Variants in PPIF observed in about 807,000 individuals in gnomAD.
PPIF encodes peptidyl-prolyl cis-trans isomerase F, mitochondrial.
Under a neutral mutation model 20.2 loss-of-function variants are expected in PPIF, and 23 were observed. The observed-to-expected ratio is 1.14, with a 90% CI of 0.82 to 1.61. PPIF has a LOEUF of 1.61. Among genes scored for constraint, PPIF ranks in the 40% most tolerant of loss-of-function variants. PPIF has a pLI of 0.00. For synonymous variants in PPIF, 113 were observed against 123.1 expected (o/e 0.92, Z 0.54); for missense variants, 287 against 291.6 (o/e 0.98, Z 0.11).
chr10:79,348,044 A>G (rs1445952596), intron 1 of PPIF, among the ~76,000 whole-genome samples: 1 of 152,096 alleles, frequency 6.6e-6, no homozygotes, highest in Non-Finnish European at 1.5e-5. Flanking sequence ...GAGGGGCTCC[A>G]GGAGCCTTCT....
In PPIF at chr10:79,353,745, A is replaced by T; in HGVS notation, c.527A>T (p.Glu176Val). The change falls in exon 6 of 6, where the codon GAG becomes GTG. Residue 176 changes from glutamate to valine, a missense_variant. Coordinates refer to ENST00000225174, the MANE Select transcript of PPIF (RefSeq NM_005729.4). ...GKHVVFGHVK[E>V]GMDVVKKIES... ...CATGTTGTGTTCGGTCACGTCAAAGAGGGCATGGACGTCGTGAAGAAAATA... is the reference window on the plus strand; with the variant it reads ...CATGTTGTGTTCGGTCACGTCAAAGTGGGCATGGACGTCGTGAAGAAAATA... The T allele has an allele frequency of 3.1e-6, 5 of 1,614,232 alleles. No homozygotes were observed. Among genetic ancestry groups the T allele is most frequent in the Non-Finnish European group, 4.2e-6 (5 of 1,180,030 alleles).
chr10:79,352,814 A>C (rs1855999932), intron 5 of PPIF, among the ~76,000 whole-genome samples: 1 of 152,276 alleles, frequency 6.6e-6, no homozygotes, highest in Admixed American at 6.5e-5. Context: ...GCAATGCTGC[A>C]GCAGACATTT....
At chr10:79,348,715 G>A (rs1855934518) in intron 1 of PPIF, among the ~76,000 whole-genome samples, 2 of 152,144 alleles carry the variant, frequency 1.3e-5, no homozygotes, top group South Asian at 4.1e-4. Context: ...AACCCCGAAT[G>A]GAGGAGCTGG....
chr10:79,349,905 G>A (rs1818903635), intron 3 of PPIF, 152 bp downstream of exon 3: 1 of 1,454,706 alleles, frequency 6.9e-7, no homozygotes, highest in Admixed American at 2.3e-5. Context: ...CTGTATCCAG[G>A]CTTCACTGCA....
chr10:79,347,721 C>T lies in PPIF; in HGVS notation c.173C>T (p.Pro58Leu). 1.4e-6 allele frequency: 2 copies of T among 1,436,502 alleles called. No individual in the cohort carries two copies. Among genetic ancestry groups the T allele is most frequent in the Non-Finnish European group, 1.8e-6 (2 of 1,088,676 alleles). 89.0% of individuals were successfully genotyped at this position (1,436,502 alleles called of 1,614,324 possible). The change falls in exon 1 of 6, where the codon CCG becomes CTG. Residue 58 changes from proline (P) to leucine (L), a missense_variant. Pro to Leu is a moderately conservative substitution (Grantham distance 98). Coordinates refer to ENST00000225174, the MANE Select transcript of PPIF (RefSeq NM_005729.4). ...VYLDVDANGK[P>L]LGRVVLELKA... Reference sequence around the variant, plus strand: ...CTGGACGTGGACGCCAACGGGAAGCCGCTCGGCCGCGTGGTGCTGGAGGTG... The same window carrying T: ...CTGGACGTGGACGCCAACGGGAAGCTGCTCGGCCGCGTGGTGCTGGAGGTG...
rs1856034294 is a variant in PPIF at position 79,355,210 on chromosome 10, C to G, written c.*1368C>G. ...CTTTCACCATGTGACATGCCTGATC[C>G]CCCTTCACCTTTTGCCATGGTCATA... On this transcript the variant is annotated 3_prime_UTR_variant, in exon 6 of 6. Transcript: ENST00000225174. The G allele has an allele frequency of 6.6e-6, 1 of 152,238 alleles. No homozygotes were observed. The highest frequency in any genetic ancestry group is 1.5e-5 in the Non-Finnish European group (1 of 68,030). The allele number at this position is 152,238 out of a possible 1,614,324, so 9.4% of individuals were successfully genotyped here.
intron 3 of PPIF, 37 bp from the exon 4 acceptor site, chr10:79,351,450 C>T: frequency 1.9e-6 from 3 of 1,606,576 alleles, no homozygotes; most frequent in Non-Finnish European, 2.6e-6. Flanking sequence ...CCCGCCTGCT[C>T]CATGGTAGCC....
In PPIF at chr10:79,354,377, G is replaced by C. The variant is rs1328698097; in HGVS notation, c.*535G>C. 1 of 155,010 alleles carries C rather than the reference G, an allele frequency of 6.5e-6. No individual in the cohort carries two copies. Among genetic ancestry groups the C allele is most frequent in the African/African-American group, 2.4e-5 (1 of 41,460 alleles). The allele number at this position is 155,010 out of a possible 1,614,324, so 9.6% of individuals were successfully genotyped here. A position where few individuals can be genotyped will look rare whatever the true frequency, so the allele number is the denominator to read the frequency against. On this transcript the variant is annotated 3_prime_UTR_variant, in exon 6 of 6. Coordinates refer to ENST00000225174, the MANE Select transcript of PPIF (RefSeq NM_005729.4). ...CTTGGCTTTTGAAACACAACTCAGG[G>C]CTTTTGTGAAGGTTCCCCCGCTGAG...
At chr10:79,349,644 G>C in intron 2 of PPIF, 21 bp from the exon 3 acceptor site, 3 of 1,612,646 alleles carry the variant, frequency 1.9e-6, no homozygotes, top group Non-Finnish European at 8.5e-7. Context: ...CTGTTGACCT[G>C]TGTTTCTCTT....
chr10:79,352,602 C>T (rs946647389), intron 5 of PPIF, among the ~76,000 whole-genome samples: 7 of 152,208 alleles, frequency 4.6e-5, no homozygotes, highest in African/African-American at 9.6e-5. Flanking sequence ...TGTCATGGTT[C>T]GGGTTCCCAT....
At position 79,353,943 on chromosome 10, in the gene PPIF, C is replaced by T; in HGVS notation, c.*101C>T. 7.7e-7 allele frequency: 1 copy of T among 1,300,078 alleles called. No individual in the cohort carries two copies. The highest frequency in any genetic ancestry group is 1.1e-6 in the Non-Finnish European group (1 of 931,552). 80.5% of individuals were successfully genotyped at this position (1,300,078 alleles called of 1,614,324 possible). ...AAGGTGCCTGAAACGATACGTGTGCCCACTCCACTGTCACAGTGTGCCTGA... is the reference window on the plus strand; with the variant it reads ...AAGGTGCCTGAAACGATACGTGTGCTCACTCCACTGTCACAGTGTGCCTGA... On this transcript the variant is annotated 3_prime_UTR_variant, in exon 6 of 6. Transcript: ENST00000225174.
rs561018996 is a variant in PPIF at position 79,354,258 on chromosome 10, A to G, written c.*416A>G. The G allele has an allele frequency of 6.4e-4, 116 of 182,502 alleles. No individual in the cohort carries two copies. Among genetic ancestry groups the G allele is most frequent in the African/African-American group, 2.7e-3 (115 of 42,232 alleles). 11.3% of individuals were successfully genotyped at this position (182,502 alleles called of 1,614,324 possible). The stretch of plus-strand genomic sequence containing the variant: ...ATTGTCTTCCTAATTGGGATAATTT[A>G]ATTAACAAGATTGACTAGAAGTGAA... On this transcript the variant is annotated 3_prime_UTR_variant, in exon 6 of 6. Transcript: ENST00000225174.
intron 1 of PPIF, among the ~76,000 whole-genome samples, chr10:79,348,144 T>G (rs1855925725): frequency 6.6e-6 from 1 of 151,328 alleles, no homozygotes; most frequent in Non-Finnish European, 1.5e-5. Flanking sequence ...GTGGCGGCCC[T>G]TGCACAACAC....
chr10:79,353,633 TTCCATGACCAGG>T (rs1461485946), intron 5 of PPIF, 62 bp from the exon 6 acceptor site: 1 of 1,610,396 alleles, frequency 6.2e-7, no homozygotes, highest in African/African-American at 1.3e-5. Context: ...CGGTAACTAA[TTCCATGACCAGG>T]TCCATGGCAT....
intron 1 of PPIF, among the ~76,000 whole-genome samples, chr10:79,348,872 T>C (rs73307954): frequency 0.04 from 6,164 of 152,232 alleles, 425 homozygotes; most frequent in African/African-American, 0.14. Context: ...CAAGGCCACC[T>C]CCTCCAGCCT....
intron 1 of PPIF, 61 bp downstream of exon 1, chr10:79,347,804 C>G: frequency 8.0e-7 from 1 of 1,246,932 alleles, no homozygotes; most frequent in Admixed American, 4.3e-5. Flanking sequence ...AGCCCTGGGC[C>G]CCGGGCGGCG....
Position 79,349,778 on chromosome 10 carries a change from G to A in PPIF, c.315+25G>A, listed in dbSNP as rs773893673. On this transcript the variant is annotated intron_variant, in intron 3 of 5. Coordinates refer to ENST00000225174, the MANE Select transcript of PPIF (RefSeq NM_005729.4). ...GGTAATGTAGTTTCCTCTTCTGTAA[G>A]GGGGGATGAGAGCAGGAGCTGCCTT... 7 of 1,613,510 alleles carry A rather than the reference G, an allele frequency of 4.3e-6. No individual in the cohort carries two copies. The South Asian group carries it at 6.6e-5, about 15-fold the overall frequency.
chr10:79,348,444 T>G (rs541884006), intron 1 of PPIF, among the ~76,000 whole-genome samples: 3 of 152,270 alleles, frequency 2.0e-5, no homozygotes, highest in African/African-American at 7.2e-5. Flanking sequence ...CAGGGTAGCT[T>G]TAGAGGGAAA....
rs1276381288 is a variant in PPIF at position 79,354,881 on chromosome 10, C to T, written c.*1039C>T. 2 of 152,368 alleles carry T rather than the reference C, an allele frequency of 1.3e-5. No individual in the cohort carries two copies. Among genetic ancestry groups the T allele is most frequent in the African/African-American group, 4.8e-5 (2 of 41,424 alleles). 9.4% of individuals were successfully genotyped at this position (152,368 alleles called of 1,614,324 possible). ...TAGAGATGAGGCTCAGACAAACGAC[C>T]TTAGCACCCATAGCCTATGCCATGA... On this transcript the variant is annotated 3_prime_UTR_variant, in exon 6 of 6. Transcript: ENST00000225174.
Sources: gnomAD v4.1 joint callset for allele counts (sites outside exome capture counted in the v4.1 genomes callset) on GRCh38, gnomAD v4.1.1 for gene constraint, MANE v1.5 for transcripts, NCBI Gene and HGNC (gene_info 2026-07-23, HGNC 2026-07-21) for gene names.